PRDM5: variants seen among roughly 807,000 people sequenced by gnomAD.
PRDM5 encodes the protein PR/SET domain 5.
PRDM5 carries 56 observed loss-of-function variants against 81.2 expected under a neutral mutation model. The ratio of observed to expected loss-of-function variants is 0.69; its 90% CI spans 0.56 to 0.86. The LOEUF (loss-of-function observed/expected upper bound fraction) is 0.86, where lower values mean the gene tolerates loss of function less well. Among genes scored for constraint, PRDM5 ranks in the 40% least tolerant of loss-of-function variants. PRDM5 has a pLI of 0.00. For missense variants in PRDM5, 697 were observed against 770.1 expected, an observed-to-expected ratio of 0.91 and a Z score of 1.12; for synonymous variants, 267 against 256.4, an observed-to-expected ratio of 1.04 and a Z score of -0.39.
At chr4:120,908,836 AG>A (rs1450521460) in intron 1 of PRDM5, among the ~76,000 whole-genome samples, 1 of 152,244 alleles carries the variant, frequency 6.6e-6, no homozygotes, top group East Asian at 1.9e-4. Flanking sequence ...AGAAGCTAGA[AG>A]CCTACTCTGC....
downstream of PRDM5, among the ~76,000 whole-genome samples, chr4:120,689,064 C>T (rs777680089): frequency 6.6e-6 from 1 of 152,090 alleles, no homozygotes; most frequent in Non-Finnish European, 1.5e-5. Flanking sequence ...CCCTTTACTG[C>T]ACTGATGCAA....
In PRDM5 at chr4:120,818,478, A is replaced by G; in HGVS notation, c.525T>C (p.Ser175=). 1 of 1,613,580 alleles carries G rather than the reference A, an allele frequency of 6.2e-7. No homozygotes were observed. Among genetic ancestry groups the G allele is most frequent in the Non-Finnish European group, 8.5e-7 (1 of 1,179,550 alleles). ...CAGCAAGAATATCCTCACTGGTAAA[A>G]CTCGATTCACATTGAGGACAAGCAT... ...EDYACPQCES[S]FTSEDILAEH... The change falls in exon 5 of 16, where the codon AGT becomes AGC. Residue 175 remains serine, a synonymous_variant. Transcript: ENST00000264808.
intron 8 of PRDM5, chr4:120,810,397 G>A (rs1753663418): frequency 6.6e-6 from 1 of 151,872 alleles, no homozygotes; most frequent in Non-Finnish European, 1.5e-5. Flanking sequence ...GGGGGAAGGA[G>A]GAAAAAAGAC....
At chr4:120,893,914 C>T (rs554094378) in intron 2 of PRDM5, among the ~76,000 whole-genome samples, 1 of 152,164 alleles carries the variant, frequency 6.6e-6, no homozygotes, top group Admixed American at 6.5e-5. Context: ...CTTTCTGAGT[C>T]TTTAAGTTTT....
chr4:120,759,761 C>T (rs1313040565), intron 13 of PRDM5, among the ~76,000 whole-genome samples: 1 of 152,150 alleles, frequency 6.6e-6, no homozygotes, highest in African/African-American at 2.4e-5. Context: ...TTTAATAGCT[C>T]AGGTATATTT....
intron 14 of PRDM5, among the ~76,000 whole-genome samples, chr4:120,754,278 A>C (rs1744406292): frequency 6.6e-6 from 1 of 152,340 alleles, no homozygotes; most frequent in Admixed American, 6.5e-5. Flanking sequence ...AAATTTTAAA[A>C]TCTATTTATC....
intron 3 of PRDM5, among the ~76,000 whole-genome samples, chr4:120,822,371 A>G (rs1377573057): frequency 6.6e-6 from 1 of 152,242 alleles, no homozygotes; most frequent in Admixed American, 6.5e-5. Flanking sequence ...AGGACAAAGA[A>G]AGTAAGGTCC....
chr4:120,816,942 A>G lies in PRDM5; in HGVS notation c.651-18T>C. ...GAAGAACACTAAAGGGAAATAGGAAAAAGAGAAAGAAAAGAAAACAAAAAC... is the reference window on the plus strand; with the variant it reads ...GAAGAACACTAAAGGGAAATAGGAAGAAGAGAAAGAAAAGAAAACAAAAAC... On this transcript the variant is annotated intron_variant, in intron 5 of 15. Coordinates refer to ENST00000264808, the MANE Select transcript of PRDM5 (RefSeq NM_018699.4). The G allele has an allele frequency of 2.5e-6, 4 of 1,590,424 alleles. No individual in the cohort carries two copies. The highest frequency in any genetic ancestry group is 2.7e-5 in the African/African-American group (2 of 74,534).
chr4:120,878,860 G>A (rs931847856), intron 2 of PRDM5, among the ~76,000 whole-genome samples: 4 of 152,132 alleles, frequency 2.6e-5, no homozygotes, highest in African/African-American at 9.7e-5. Flanking sequence ...CCATTAGAAT[G>A]GCCAAAATCT....
At chr4:120,811,551 A>G (rs987670593) in intron 7 of PRDM5, 102 bp from the exon 8 acceptor site, 1 of 682,992 alleles carries the variant, frequency 1.5e-6, no homozygotes, top group African/African-American at 1.8e-5. Context: ...CATAATTTAG[A>G]ATTCTAAACA....
rs185567213 is a variant in PRDM5, at chr4:120,816,818, C to G, written c.743+14G>C. 162 of 1,608,080 alleles carry G rather than the reference C, an allele frequency of 1.0e-4. 4 individuals are homozygous for G. In the South Asian group the frequency reaches 1.7e-3, roughly 16 times the overall value. On this transcript the variant is annotated intron_variant, in intron 6 of 15. Coordinates refer to ENST00000264808, the MANE Select transcript of PRDM5 (RefSeq NM_018699.4). ...CAATTATATAACAGCCATTTCATAA[C>G]TCAGACACAAAACCTCGATGCTGAA... is the stretch of plus-strand genomic sequence containing the variant.
At chr4:120,806,289 A>G (rs1277418956) in intron 8 of PRDM5, among the ~76,000 whole-genome samples, 1 of 152,196 alleles carries the variant, frequency 6.6e-6, no homozygotes, top group African/African-American at 2.4e-5. Flanking sequence ...TAATTTCTAG[A>G]TTCAATGCCA....
At chr4:120,867,298 CT>C (rs1346924598) in intron 2 of PRDM5, among the ~76,000 whole-genome samples, 1 of 152,082 alleles carries the variant, frequency 6.6e-6, no homozygotes, top group African/African-American at 2.4e-5. Context: ...ATTAAATGAT[CT>C]TCATAAATTT....
intron 12 of PRDM5, among the ~76,000 whole-genome samples, chr4:120,777,745 A>T (rs886767628): frequency 6.6e-6 from 1 of 152,160 alleles, no homozygotes; most frequent in Non-Finnish European, 1.5e-5. Flanking sequence ...GACTGGTTTT[A>T]CTGCAAAGCA....
chr4:120,862,434 G>A (rs185871211), intron 2 of PRDM5, among the ~76,000 whole-genome samples: 2 of 152,302 alleles, frequency 1.3e-5, no homozygotes, highest in African/African-American at 4.8e-5. Flanking sequence ...TGGTACAGAA[G>A]GGTGTAAAGT....
intron 13 of PRDM5, 51 bp downstream of exon 13, chr4:120,777,137 A>G (rs1474373136): frequency 5.0e-6 from 8 of 1,612,354 alleles, no homozygotes; most frequent in Non-Finnish European, 6.8e-6. Context: ...TCTTGGAAGC[A>G]TGTGATTTCT....
chr4:120,772,261 C>G (rs1423508312), intron 13 of PRDM5, among the ~76,000 whole-genome samples: 6 of 152,176 alleles, frequency 3.9e-5, no homozygotes, highest in Admixed American at 2.0e-4. Context: ...TCAGCAAAAA[C>G]CTTACTGATA....
intron 3 of PRDM5, among the ~76,000 whole-genome samples, chr4:120,842,304 C>T (rs1292480543): frequency 1.3e-5 from 2 of 152,170 alleles, no homozygotes; most frequent in Non-Finnish European, 2.9e-5. Flanking sequence ...ACCAAATACT[C>T]GCATGCACAT....
intron 2 of PRDM5, among the ~76,000 whole-genome samples, chr4:120,866,003 T>C (rs1761165338): frequency 6.6e-6 from 1 of 152,216 alleles, no homozygotes; most frequent in Admixed American, 6.5e-5. Context: ...ATTTTTGTAA[T>C]TGACTCTTTT....
Sources: gnomAD v4.1 joint callset for allele counts (sites outside exome capture counted in the v4.1 genomes callset) on GRCh38, gnomAD v4.1.1 for gene constraint, MANE v1.5 for transcripts, NCBI Gene and HGNC (gene_info 2026-07-23, HGNC 2026-07-21) for gene names.